PKP1: variants seen among roughly 807,000 people sequenced by gnomAD.
PKP1 encodes plakophilin 1, also known as plakophilin-1.
PKP1 carries 27 observed loss-of-function variants against 76.4 expected under a neutral mutation model. The ratio of observed to expected loss-of-function variants is 0.35; its 90% CI spans 0.26 to 0.49. The LOEUF (loss-of-function observed/expected upper bound fraction) is 0.49, where lower values mean the gene tolerates loss of function less well. Ranked by LOEUF, PKP1 falls within the 20% of genes least tolerant of loss-of-function variation. PKP1 has a pLI of 0.99. For synonymous variants in PKP1, 404 were observed against 384.2 expected (o/e 1.05, Z -0.60); for missense variants, 964 against 955.2 (o/e 1.01, Z -0.12).
At chr1:201,296,445 G>A (rs1003104243) in intron 2 of PKP1, among the ~76,000 whole-genome samples, 38 of 152,330 alleles carry the variant, frequency 2.5e-4, no homozygotes, top group Middle Eastern at 3.4e-3. Context: ...CAGAAGGCAG[G>A]GAGGGTGGGG....
In PKP1 at chr1:201,323,067, G is replaced by C; in HGVS notation, c.1558G>C (p.Gly520Arg). The C allele has an allele frequency of 1.2e-6, 2 of 1,614,114 alleles. No individual in the cohort carries two copies. Among genetic ancestry groups the C allele is most frequent in the Non-Finnish European group, 1.7e-6 (2 of 1,180,012 alleles). ...GGAAGAGACCAACCCCAAGGGCAGC[G>C]GCTGGTTGTACCATTCAGATGCCAT... The part of the protein sequence containing the change: ...PEEETNPKGS[G>R]WLYHSDAIRT... Residue 520 changes from glycine to arginine, a missense_variant, in exon 9 of 14, where the codon GGC (glycine) becomes CGC (arginine). Transcript: ENST00000367324.
intron 2 of PKP1, among the ~76,000 whole-genome samples, chr1:201,302,309 G>A (rs1026570057): frequency 1.1e-4 from 16 of 152,134 alleles, no homozygotes; most frequent in African/African-American, 3.9e-4. Context: ...GCAGAACTGA[G>A]TCTGGACCCC....
At position 201,313,482 on chromosome 1, in the gene PKP1, C is replaced by T. The variant is rs751008697; in HGVS notation, c.623C>T (p.Ser208Phe). Residue 208 changes from serine to phenylalanine, a missense_variant, in exon 3 of 14, where the codon TCC becomes TTC. Transcript: ENST00000367324. The stretch of plus-strand genomic sequence containing the variant: ...CCTGTGCGCCCGCCCTCTTGTGCCT[C>T]CAAGCAGGACCCTGTGTATATCCCG... ...KCPVRPPSCA[S>F]KQDPVYIPPI... 3.3e-5 allele frequency: 54 copies of T among 1,613,562 alleles called. No individual in the cohort carries two copies. The highest frequency in any genetic ancestry group is 5.0e-5 in the Admixed American group (3 of 59,958).
chr1:201,326,300 C>G (rs547045714), intron 12 of PKP1, among the ~76,000 whole-genome samples: 1 of 152,200 alleles, frequency 6.6e-6, no homozygotes, highest in South Asian at 2.1e-4. Flanking sequence ...ATCAAAGCAG[C>G]ACCAAAGCTC....
At chr1:201,305,236 G>A (rs924076256) in intron 2 of PKP1, among the ~76,000 whole-genome samples, 3 of 152,202 alleles carry the variant, frequency 2.0e-5, no homozygotes, top group Admixed American at 6.5e-5. Flanking sequence ...TTGACTAACA[G>A]GCCAGGCACA....
At chr1:201,293,915 G>A in intron 1 of PKP1, 27 bp from the exon 2 acceptor site, 4 of 1,487,104 alleles carry the variant, frequency 2.7e-6, no homozygotes, top group Non-Finnish European at 2.8e-6. Context: ...GGCCATCCCT[G>A]TCCTAATCCC....
chr1:201,316,428 C>T, intron 3 of PKP1, 125 bp from the exon 4 acceptor site: 1 of 1,026,224 alleles, frequency 9.7e-7, no homozygotes. Flanking sequence ...CCTGGGCTGC[C>T]TTGTTCTGGC....
rs1173964822 is a variant in PKP1, at chr1:201,320,331, C to G, written c.1297C>G (p.Leu433Val). 6.2e-7 allele frequency: 1 copy of G among 1,614,134 alleles called. No individual in the cohort carries two copies. Among genetic ancestry groups the G allele is most frequent in the Non-Finnish European group, 8.5e-7 (1 of 1,179,956 alleles). Residue 433 changes from leucine (L) to valine (V), a missense_variant, in exon 7 of 14, where the codon CTC becomes GTC. Physicochemically the swap from Leu to Val is conservative, Grantham distance 32. Coordinates refer to ENST00000367324, the MANE Select transcript of PKP1 (RefSeq NM_001005337.3). ...MRNYSGLIDS[L>V]MAYVQNCVAA... ...TAACTACTCAGGGCTCATTGATTCC[C>G]TCATGGCCTATGTCCAGAACTGTGT...
intron 9 of PKP1, among the ~76,000 whole-genome samples, chr1:201,323,886 C>T (rs541152470): frequency 2.6e-5 from 4 of 152,208 alleles, no homozygotes; most frequent in Admixed American, 6.5e-5. Context: ...GAGGCCTGGG[C>T]GAACTGGCCT....
At position 201,285,234 on chromosome 1, in the gene PKP1, A is replaced by G. The variant is rs1159926385; in HGVS notation, c.202+1330A>G. Among the ~76,000 whole-genome samples the G allele has an allele frequency of 2.7e-5, 3 of 111,050 alleles. No homozygotes were observed. The South Asian group carries it at 8.3e-4, about 31-fold the overall frequency. 72.9% of individuals were successfully genotyped at this position (111,050 alleles called of 152,430 possible). ...TGGCCCTTCCACCACACACACACAC[A>G]CACACACACACACACACACACACAC... On this transcript the variant is annotated intron_variant, in intron 1 of 13. Transcript: ENST00000367324.
chr1:201,286,704 C>G (rs900912677), intron 1 of PKP1, among the ~76,000 whole-genome samples: 2 of 152,176 alleles, frequency 1.3e-5, no homozygotes, highest in Non-Finnish European at 2.9e-5. Context: ...CCATCTTGAA[C>G]TGCCCCTGAA....
intron 2 of PKP1, among the ~76,000 whole-genome samples, chr1:201,301,731 C>CT (rs113318710): frequency 1.0e-3 from 147 of 144,346 alleles, no homozygotes; most frequent in Admixed American, 2.9e-3. Flanking sequence ...TCATTTTGGG[C>CT]TTTTTTTTTT....
intron 2 of PKP1, among the ~76,000 whole-genome samples, chr1:201,294,406 A>G (rs1194978667): frequency 6.6e-6 from 1 of 152,204 alleles, no homozygotes; most frequent in Non-Finnish European, 1.5e-5. Context: ...GGAAAATCCT[A>G]AAGGGTCATC....
intron 2 of PKP1, among the ~76,000 whole-genome samples, chr1:201,309,627 T>G (rs759049368): frequency 6.6e-6 from 1 of 151,842 alleles, no homozygotes; most frequent in Non-Finnish European, 1.5e-5. Context: ...GCTATCTGAG[T>G]GTGGGGGTGT....
At position 201,313,372 on chromosome 1, in the gene PKP1, G is replaced by T. The variant is rs773808308; in HGVS notation, c.513G>T (p.Thr171=). ...CDPRGTLRKG[T]LGSKGQKTTQ... ...CACGGGGCACCCTGCGCAAGGGCAC[G>T]CTGGGCAGCAAGGGCCAGAAGACCA... Residue 171 remains threonine (T), a synonymous_variant, in exon 3 of 14, where the codon ACG becomes ACT. Transcript: ENST00000367324. The T allele has an allele frequency of 1.3e-6, 2 of 1,581,724 alleles. No individual in the cohort carries two copies. The highest frequency in any genetic ancestry group is 1.8e-5 in the Admixed American group (1 of 54,328).
chr1:201,331,647 C>T lies in PKP1; in HGVS notation c.*1606C>T. 1 of 152,612 alleles carries T rather than the reference C, an allele frequency of 6.6e-6. No homozygotes were observed. Among genetic ancestry groups the T allele is most frequent in the Non-Finnish European group, 1.5e-5 (1 of 68,202 alleles). 9.5% of individuals were successfully genotyped at this position (152,612 alleles called of 1,614,324 possible). A position where few individuals can be genotyped will look rare whatever the true frequency, so the allele number is the denominator to read the frequency against. ...CCAAGTCTTCCTCTTCTGCACCACC[C>T]CCGAGTCCAAACCCACCTCTTGCCC... On this transcript the variant is annotated 3_prime_UTR_variant, in exon 14 of 14. Transcript: ENST00000367324.
chr1:201,295,130 A>G (rs188232423), intron 2 of PKP1, among the ~76,000 whole-genome samples: 1 of 152,164 alleles, frequency 6.6e-6, no homozygotes, highest in Non-Finnish European at 1.5e-5. Context: ...ATTTGCTTTA[A>G]GACACAGATG....
At chr1:201,314,523 T>C (rs1332916543) in intron 3 of PKP1, among the ~76,000 whole-genome samples, 3 of 152,176 alleles carry the variant, frequency 2.0e-5, no homozygotes, top group Non-Finnish European at 4.4e-5. Flanking sequence ...TGGGGCTTCA[T>C]GATCTACTGC....
intron 2 of PKP1, among the ~76,000 whole-genome samples, chr1:201,298,060 C>T (rs1392580075): frequency 6.8e-6 from 1 of 146,684 alleles, no homozygotes; most frequent in African/African-American, 2.4e-5. Context: ...GTCACTATGT[C>T]TCCCCACTCA....
Sources: gnomAD v4.1 joint callset for allele counts (sites outside exome capture counted in the v4.1 genomes callset) on GRCh38, gnomAD v4.1.1 for gene constraint, MANE v1.5 for transcripts, NCBI Gene and HGNC (gene_info 2026-07-23, HGNC 2026-07-21) for gene names.